The following DENND4C variants were observed in gnomAD, a reference collection of about 807,000 sequenced individuals.
DENND4C encodes the protein DENN domain containing 4C, also known as DENN domain-containing protein 4C.
Under a neutral mutation model 203.0 loss-of-function variants are expected in DENND4C, and 108 were observed. That is an observed-to-expected ratio of 0.53 (90% CI 0.46 to 0.62). DENND4C has a LOEUF of 0.62. DENND4C is among the 20% of genes least tolerant of loss of function. The pLI is 0.00. For missense variants in DENND4C, 2,481 were observed against 2,301.2 expected (o/e 1.08, Z -1.60); for synonymous variants, 871 against 792.4 (o/e 1.10, Z -1.67).
intron 5 of DENND4C, among the ~76,000 whole-genome samples, chr9:19,295,703 CA>C (rs1159349439): frequency 1.3e-5 from 2 of 148,924 alleles, no homozygotes; most frequent in Admixed American, 6.7e-5. Flanking sequence ...GAAAAATCCA[CA>C]AAAAACTTAA....
At chr9:19,330,628 A>G (rs566148686) in intron 16 of DENND4C, among the ~76,000 whole-genome samples, 16 of 151,998 alleles carry the variant, frequency 1.1e-4, no homozygotes, top group Admixed American at 3.3e-4. Flanking sequence ...ATGAGCTACC[A>G]TGCCCAGCCC....
At chr9:19,326,913 A>G (rs957620826) in intron 15 of DENND4C, among the ~76,000 whole-genome samples, 2 of 152,050 alleles carry the variant, frequency 1.3e-5, no homozygotes, top group African/African-American at 4.8e-5. Context: ...ATTATGATTT[A>G]TTTAACTAGC....
chr9:19,286,107 G>C (rs1413690234), intron 2 of DENND4C, among the ~76,000 whole-genome samples: 1 of 152,132 alleles, frequency 6.6e-6, no homozygotes, highest in Non-Finnish European at 1.5e-5. Context: ...GCCAAAGGCA[G>C]CTGGAATTTA....
chr9:19,273,953 T>C (rs1832309645), intron 1 of DENND4C, among the ~76,000 whole-genome samples: 1 of 152,062 alleles, frequency 6.6e-6, no homozygotes, highest in Admixed American at 6.5e-5. Flanking sequence ...GATTTGTACA[T>C]GGGTATTCAC....
intron 1 of DENND4C, among the ~76,000 whole-genome samples, chr9:19,243,736 A>G (rs745611543): frequency 1.3e-5 from 2 of 152,204 alleles, no homozygotes; most frequent in Non-Finnish European, 2.9e-5. Context: ...TTTGTTTATC[A>G]TGACTTGATA....
At chr9:19,325,682 A>G (rs1817669948) in intron 13 of DENND4C, among the ~76,000 whole-genome samples, 1 of 152,224 alleles carries the variant, frequency 6.6e-6, no homozygotes, top group Non-Finnish European at 1.5e-5. Context: ...GAAGCCAGAT[A>G]ACCTTGTGAT....
chr9:19,342,118 C>G (rs1821790956), intron 21 of DENND4C, among the ~76,000 whole-genome samples: 1 of 132,102 alleles, frequency 7.6e-6, no homozygotes, highest in Non-Finnish European at 1.5e-5. Flanking sequence ...GAGCAAGACT[C>G]CATCTCAAAA....
At chr9:19,367,855 A>T (rs1828011367) in intron 30 of DENND4C, among the ~76,000 whole-genome samples, 1 of 152,256 alleles carries the variant, frequency 6.6e-6, no homozygotes, top group Non-Finnish European at 1.5e-5. Flanking sequence ...ACACAGTTGA[A>T]TCTTGAAACC....
chr9:19,259,040 T>C (rs911123645), intron 1 of DENND4C, among the ~76,000 whole-genome samples: 1 of 152,172 alleles, frequency 6.6e-6, no homozygotes, highest in African/African-American at 2.4e-5. Flanking sequence ...ACAGTGTGTG[T>C]TCACATCAGG....
At chr9:19,319,349 T>TTATATATATACAC (rs1842423912) in intron 12 of DENND4C, among the ~76,000 whole-genome samples, 4 of 51,882 alleles carry the variant, frequency 7.7e-5, no homozygotes, top group African/African-American at 2.2e-4. Context: ...CATATATATA[T>TTATATATATACAC]ACTTATATAT....
intron 1 of DENND4C, among the ~76,000 whole-genome samples, chr9:19,245,710 G>T (rs1357953239): frequency 4.6e-5 from 7 of 152,076 alleles, no homozygotes; most frequent in African/African-American, 1.7e-4. Flanking sequence ...CAAAAAACTA[G>T]CCAGGCGTGG....
At chr9:19,352,295 C>A in intron 25 of DENND4C, 113 bp downstream of exon 25, 1 of 1,114,964 alleles carries the variant, frequency 9.0e-7, no homozygotes, top group South Asian at 1.6e-5. Context: ...TAAAATAAGT[C>A]ATTTTGTTGA....
intron 6 of DENND4C, among the ~76,000 whole-genome samples, chr9:19,296,874 C>T (rs1001523969): frequency 2.0e-4 from 30 of 152,138 alleles, no homozygotes; most frequent in African/African-American, 6.8e-4. Context: ...AAATTCTAAC[C>T]GTAATACCTC....
rs748904343 is a variant in DENND4C, at chr9:19,336,329, G to A, written c.2649G>A (p.Lys883=). 14 of 1,613,964 alleles carry A rather than the reference G, an allele frequency of 8.7e-6. No homozygotes were observed. Among genetic ancestry groups the A allele is most frequent in the Non-Finnish European group, 5.9e-6 (7 of 1,180,004 alleles). Residue 883 remains lysine, a synonymous_variant, in exon 19 of 33, where the codon AAG becomes AAA. Transcript: ENST00000434457. ...GCAGTGGTATTTTCTTATGGACGAA[G>A]GTACGGAATGTGGTACGTGGCTTGG... ...STRSGIFLWT[K]VRNVVRGLAQ...
chr9:19,234,340 C>G (rs1821329152), intron 1 of DENND4C, among the ~76,000 whole-genome samples: 1 of 151,966 alleles, frequency 6.6e-6, no homozygotes, highest in Non-Finnish European at 1.5e-5. Context: ...AAGCGATTCT[C>G]CTGTCTCACC....
chr9:19,280,381 G>A (rs950273254), intron 2 of DENND4C, among the ~76,000 whole-genome samples: 7 of 152,006 alleles, frequency 4.6e-5, no homozygotes, highest in African/African-American at 4.8e-5. Context: ...TCCTGACCTC[G>A]TGATCCACCT....
intron 1 of DENND4C, among the ~76,000 whole-genome samples, chr9:19,269,703 C>CT (rs1460604527): frequency 6.6e-6 from 1 of 152,126 alleles, no homozygotes; most frequent in Non-Finnish European, 1.5e-5. Context: ...GCTATTTTGA[C>CT]TTTGTCTGTC....
At chr9:19,306,967 A>G (rs1288785841) in intron 10 of DENND4C, among the ~76,000 whole-genome samples, 1 of 151,908 alleles carries the variant, frequency 6.6e-6, no homozygotes, top group Non-Finnish European at 1.5e-5. Flanking sequence ...TATTTTTAGT[A>G]GAGATGAGGT....
intron 10 of DENND4C, among the ~76,000 whole-genome samples, chr9:19,312,013 A>C (rs1475383435): frequency 2.0e-5 from 3 of 152,218 alleles, no homozygotes; most frequent in African/African-American, 7.2e-5. Context: ...AGACTTGTTA[A>C]ATGGCTCCTA....
Sources: gnomAD v4.1 joint callset for allele counts (sites outside exome capture counted in the v4.1 genomes callset) on GRCh38, gnomAD v4.1.1 for gene constraint, MANE v1.5 for transcripts, NCBI Gene and HGNC (gene_info 2026-07-23, HGNC 2026-07-21) for gene names.